EMCN: variants seen among roughly 807,000 people sequenced by gnomAD.
EMCN encodes MUC-14.
In EMCN, 37 loss-of-function variants were observed where a neutral mutation model predicts 38.4. The observed-to-expected ratio is 0.96, with a 90% CI of 0.74 to 1.27. The LOEUF is 1.27. Ranked by LOEUF, EMCN falls within the 50% of genes most tolerant of loss-of-function variation. The pLI is 0.00. For missense variants in EMCN, 318 were observed against 302.8 expected, an observed-to-expected ratio of 1.05 and a Z score of -0.37; for synonymous variants, 95 against 100.8, an observed-to-expected ratio of 0.94 and a Z score of 0.35.
intron 5 of EMCN, among the ~76,000 whole-genome samples, chr4:100,427,049 T>C (rs542480705): frequency 1.2e-4 from 18 of 152,150 alleles, no homozygotes; most frequent in Non-Finnish European, 2.5e-4. Flanking sequence ...GGCTCACGCC[T>C]GTAATCCCAG....
intron 7 of EMCN, 71 bp downstream of exon 7, chr4:100,422,950 T>G: frequency 6.8e-7 from 1 of 1,462,854 alleles, no homozygotes; most frequent in South Asian, 1.1e-5. Context: ...ATCTGATTCC[T>G]CTCCTTTACT....
At chr4:100,503,782 G>A (rs536440410) in intron 1 of EMCN, among the ~76,000 whole-genome samples, 31 of 151,998 alleles carry the variant, frequency 2.0e-4, no homozygotes, top group Admixed American at 3.9e-4. Flanking sequence ...TATCCAGGCT[G>A]GGAAAGATAC....
At position 100,475,302 on chromosome 4, in the gene EMCN, TACACAC is replaced by T. The variant is rs59162117; in HGVS notation, c.188-199_188-194del. Reference sequence around the variant, plus strand: ...ATGTATATTAAATATTTGGGTGGCCTACACACACACACACACACACACACACACACA... The same window carrying T: ...ATGTATATTAAATATTTGGGTGGCCTACACACACACACACACACACACACA... On this transcript the variant is annotated intron_variant, in intron 2 of 11. Coordinates refer to ENST00000296420, the MANE Select transcript of EMCN (RefSeq NM_016242.4). Among the ~76,000 whole-genome samples, 516 of 143,092 alleles carry T rather than the reference TACACAC, an allele frequency of 3.6e-3. 6 individuals are homozygous for T. Among genetic ancestry groups the T allele is most frequent in the African/African-American group, 0.012 (485 of 38,882 alleles). 93.9% of individuals were successfully genotyped at this position (143,092 alleles called of 152,430 possible).
At chr4:100,478,561 A>G (rs1360285255) in intron 2 of EMCN, among the ~76,000 whole-genome samples, 1 of 152,158 alleles carries the variant, frequency 6.6e-6, no homozygotes, top group African/African-American at 2.4e-5. Context: ...AAACAGAAAG[A>G]AGGCAGGAAG....
At chr4:100,400,985 C>T (rs2110203151) in intron 11 of EMCN, among the ~76,000 whole-genome samples, 1 of 152,076 alleles carries the variant, frequency 6.6e-6, no homozygotes, top group South Asian at 2.1e-4. Flanking sequence ...CCTAGATTTT[C>T]ATATATTTGT....
chr4:100,413,141 A>G (rs1031893645), intron 10 of EMCN, among the ~76,000 whole-genome samples: 2 of 152,300 alleles, frequency 1.3e-5, no homozygotes, highest in South Asian at 4.1e-4. Context: ...CTGAAGCTCA[A>G]ATTTCATTGT....
chr4:100,515,605 T>C (rs1219241870), intron 1 of EMCN, among the ~76,000 whole-genome samples: 1 of 152,132 alleles, frequency 6.6e-6, no homozygotes, highest in Non-Finnish European at 1.5e-5. Context: ...AATAAATTAC[T>C]ACGCAAAAGA....
intron 2 of EMCN, among the ~76,000 whole-genome samples, chr4:100,477,485 T>C (rs1728692973): frequency 6.6e-6 from 1 of 152,242 alleles, no homozygotes; most frequent in Admixed American, 6.5e-5. Context: ...CAATCACGTC[T>C]GCCACTTCAG....
chr4:100,431,895 A>C (rs970380728), intron 5 of EMCN, among the ~76,000 whole-genome samples: 1 of 152,054 alleles, frequency 6.6e-6, no homozygotes, highest in African/African-American at 2.4e-5. Context: ...TTTTCCCCAG[A>C]AAATTAAGGG....
At chr4:100,410,159 A>T in intron 11 of EMCN, 123 bp downstream of exon 11, 1 of 714,598 alleles carries the variant, frequency 1.4e-6, no homozygotes, top group Non-Finnish European at 2.4e-6. Context: ...GACAATGATC[A>T]TTGCATTGAC....
intron 1 of EMCN, among the ~76,000 whole-genome samples, chr4:100,502,169 A>G (rs1587549): frequency 0.42 from 64,253 of 152,040 alleles, 14,574 homozygotes; most frequent in East Asian, 0.71. Context: ...GACTAGATGT[A>G]ACATTTACAT....
chr4:100,471,518 G>A lies in EMCN; in HGVS notation c.259+3520C>T, dbSNP rs533633126. On this transcript the variant is annotated intron_variant, in intron 3 of 11. Transcript: ENST00000296420. ...GAAAATTCTACCAAATATTTAAAGA[G>A]CAATTACCACCAATCCTCATAAACT... Among the ~76,000 whole-genome samples, 49 of 151,998 alleles carry A rather than the reference G, an allele frequency of 3.2e-4. 1 individual carries two copies. The highest frequency in any genetic ancestry group is 1.2e-3 in the Admixed American group (18 of 15,268).
Position 100,447,581 on chromosome 4 carries a change from G to T in EMCN, c.377-10C>A. On this transcript the variant is annotated splice_polypyrimidine_tract_variant and intron_variant, in intron 4 of 11. Coordinates refer to ENST00000296420, the MANE Select transcript of EMCN (RefSeq NM_016242.4). Reference sequence around the variant, plus strand: ...GAACTCTGAGTTTCAGCTTTAGAAGGAAAAAAAGAAAAAAAATCAGTACAA... The same window carrying T: ...GAACTCTGAGTTTCAGCTTTAGAAGTAAAAAAAGAAAAAAAATCAGTACAA... The T allele has an allele frequency of 6.5e-7, 1 of 1,538,860 alleles. No individual in the cohort carries two copies.
chr4:100,447,981 G>A (rs906102615), intron 4 of EMCN, among the ~76,000 whole-genome samples: 3 of 151,700 alleles, frequency 2.0e-5, no homozygotes, highest in African/African-American at 7.3e-5. Flanking sequence ...ATAGGATCTG[G>A]TATACCCTCA....
At chr4:100,516,527 A>G (rs1729761813) in intron 1 of EMCN, among the ~76,000 whole-genome samples, 1 of 152,076 alleles carries the variant, frequency 6.6e-6, no homozygotes, top group Non-Finnish European at 1.5e-5. Context: ...AGCTAATGCA[A>G]TAATTTCTGT....
rs750389625 is a variant in EMCN, at chr4:100,417,101, A to G, written c.689+16T>C. On this transcript the variant is annotated intron_variant, in intron 9 of 11. Coordinates refer to ENST00000296420, the MANE Select transcript of EMCN (RefSeq NM_016242.4). ...AATGGTAGGGTCTAAACAAAAGATG[A>G]TATGGGCTTACTTACTGATCATTTC... The G allele has an allele frequency of 6.2e-7, 1 of 1,613,066 alleles. No individual in the cohort carries two copies. The highest frequency in any genetic ancestry group is 8.5e-7 in the Non-Finnish European group (1 of 1,179,136).
chr4:100,399,563 G>A (rs140849238), intron 11 of EMCN, among the ~76,000 whole-genome samples: 7 of 152,200 alleles, frequency 4.6e-5, no homozygotes, highest in African/African-American at 1.4e-4. Context: ...CAGGATATCC[G>A]TGACTTCTTC....
chr4:100,422,364 G>A (rs533164756), intron 7 of EMCN, among the ~76,000 whole-genome samples: 1 of 151,928 alleles, frequency 6.6e-6, no homozygotes, highest in Non-Finnish European at 1.5e-5. Flanking sequence ...TTAATGGAAT[G>A]GGTTTAACTA....
At chr4:100,483,235 G>T (rs1365484127) in intron 1 of EMCN, 1 of 152,016 alleles carries the variant, frequency 6.6e-6, no homozygotes, top group African/African-American at 2.4e-5. Context: ...GCACACTGAG[G>T]CTCAAAAAGG....
Sources: gnomAD v4.1 joint callset for allele counts (sites outside exome capture counted in the v4.1 genomes callset) on GRCh38, gnomAD v4.1.1 for gene constraint, MANE v1.5 for transcripts, NCBI Gene and HGNC (gene_info 2026-07-23, HGNC 2026-07-21) for gene names.